The following NR3C2 variants were observed in gnomAD, a reference collection of about 807,000 sequenced individuals.
NR3C2 encodes nuclear receptor subfamily 3 group C member 2.
A neutral mutation model predicts 86.4 loss-of-function variants in NR3C2; 15 were observed. The observed-to-expected ratio is 0.17, with a 90% CI of 0.12 to 0.27. The LOEUF is 0.27. Ranked by LOEUF, NR3C2 falls within the 10% of genes least tolerant of loss-of-function variation. The pLI is 1.00. For synonymous variants in NR3C2, 458 were observed against 450.5 expected (o/e 1.02, Z -0.21); for missense variants, 960 against 1,195.6 (o/e 0.80, Z 2.91).
At chr4:148,291,320 G>T (rs1741787259) in intron 2 of NR3C2, among the ~76,000 whole-genome samples, 1 of 151,872 alleles carries the variant, frequency 6.6e-6, no homozygotes, top group African/African-American at 2.4e-5. Context: ...CTATATAAGG[G>T]AACAAATATG....
intron 3 of NR3C2, among the ~76,000 whole-genome samples, chr4:148,255,892 C>T (rs939355248): frequency 2.0e-5 from 3 of 152,204 alleles, no homozygotes; most frequent in Non-Finnish European, 4.4e-5. Flanking sequence ...TCAGCTAATT[C>T]AATTGACAAT....
intron 4 of NR3C2, 93 bp downstream of exon 4, chr4:148,194,653 T>C: frequency 1.2e-6 from 1 of 820,504 alleles, no homozygotes; most frequent in South Asian, 1.4e-5. Context: ...TTGCTCCCTG[T>C]TGGCTTCGTT....
intron 6 of NR3C2, among the ~76,000 whole-genome samples, chr4:148,147,593 A>T (rs532368094): frequency 7.9e-5 from 12 of 152,342 alleles, no homozygotes; most frequent in African/African-American, 2.9e-4. Context: ...GAAATAAGGC[A>T]GAGATACACG....
At chr4:148,392,397 T>C (rs932496175) in intron 2 of NR3C2, among the ~76,000 whole-genome samples, 1 of 152,260 alleles carries the variant, frequency 6.6e-6, no homozygotes, top group African/African-American at 2.4e-5. Context: ...CAAGTGTCTC[T>C]GAAATATTTG....
chr4:148,177,761 G>C (rs1384701999), intron 4 of NR3C2, among the ~76,000 whole-genome samples: 3 of 152,084 alleles, frequency 2.0e-5, no homozygotes, highest in Non-Finnish European at 4.4e-5. Context: ...ATGATGCTTG[G>C]TTGTAAGTGG....
At chr4:148,216,227 C>T (rs990219832) in intron 3 of NR3C2, among the ~76,000 whole-genome samples, 1 of 151,940 alleles carries the variant, frequency 6.6e-6, no homozygotes, top group African/African-American at 2.4e-5. Flanking sequence ...GACTCCCCAC[C>T]ACCCCCCCAA....
chr4:148,235,262 T>TTTTATATATATATATA (rs1553999667), intron 3 of NR3C2, among the ~76,000 whole-genome samples: 1 of 143,720 alleles, frequency 7.0e-6, no homozygotes, highest in Non-Finnish European at 1.5e-5. Context: ...TAAGTGGCAA[T>TTTTATATATATATATA]TATATATATA....
chr4:148,205,155 C>T (rs998929014), intron 3 of NR3C2, among the ~76,000 whole-genome samples: 1 of 152,084 alleles, frequency 6.6e-6, no homozygotes, highest in Non-Finnish European at 1.5e-5. Context: ...AACTCTAGAC[C>T]GAAATGAAAC....
chr4:148,240,318 G>A (rs1011979023), intron 3 of NR3C2, among the ~76,000 whole-genome samples: 6 of 149,570 alleles, frequency 4.0e-5, no homozygotes, highest in East Asian at 3.9e-4. Flanking sequence ...CCCAATGTGC[G>A]TTTTACACTT....
chr4:148,217,369 T>C (rs1413242481), intron 3 of NR3C2, among the ~76,000 whole-genome samples: 2 of 151,982 alleles, frequency 1.3e-5, no homozygotes, highest in Non-Finnish European at 2.9e-5. Context: ...ACAGGAAAAA[T>C]CTCTCATTTC....
chr4:148,321,891 AT>A (rs1743618901), intron 2 of NR3C2, among the ~76,000 whole-genome samples: 1 of 152,090 alleles, frequency 6.6e-6, no homozygotes, highest in African/African-American at 2.4e-5. Context: ...TAAAGTTAAT[AT>A]TGTTATGTGT....
intron 2 of NR3C2, among the ~76,000 whole-genome samples, chr4:148,299,860 TTTTA>T (rs1425454300): frequency 2.0e-5 from 3 of 152,234 alleles, no homozygotes; most frequent in African/African-American, 7.2e-5. Flanking sequence ...AGGAGTTAAC[TTTTA>T]AAAGAAAGGT....
intron 2 of NR3C2, among the ~76,000 whole-genome samples, chr4:148,353,700 T>C (rs955919381): frequency 5.3e-5 from 8 of 152,182 alleles, no homozygotes; most frequent in African/African-American, 1.9e-4. Context: ...TATAATTATA[T>C]TCCTATATGA....
At chr4:148,093,416 A>C (rs1001706076) in intron 8 of NR3C2, among the ~76,000 whole-genome samples, 5 of 152,228 alleles carry the variant, frequency 3.3e-5, no homozygotes, top group African/African-American at 1.2e-4. Context: ...GTGGTGATGA[A>C]GCCTGAATGA....
intron 2 of NR3C2, among the ~76,000 whole-genome samples, chr4:148,355,441 G>A (rs1271756276): frequency 6.6e-6 from 1 of 152,068 alleles, no homozygotes; most frequent in Non-Finnish European, 1.5e-5. Flanking sequence ...CTCCCACTCT[G>A]AACCCTCTAC....
intron 4 of NR3C2, among the ~76,000 whole-genome samples, chr4:148,175,038 T>C (rs3843411): frequency 0.78 from 118,862 of 152,114 alleles, 47,037 homozygotes; most frequent in African/African-American, 0.92. Flanking sequence ...TATGTTAGGG[T>C]TGGCAAGGAA....
intron 2 of NR3C2, among the ~76,000 whole-genome samples, chr4:148,410,987 C>T (rs532784984): frequency 4.5e-4 from 68 of 152,218 alleles, no homozygotes; most frequent in African/African-American, 1.3e-3. Flanking sequence ...TTCAGTACTC[C>T]GACCTTCAAC....
chr4:148,324,579 A>G (rs1482495236), intron 2 of NR3C2, among the ~76,000 whole-genome samples: 1 of 152,118 alleles, frequency 6.6e-6, no homozygotes, highest in African/African-American at 2.4e-5. Context: ...CAGTTATAAG[A>G]TAAATAAGTT....
chr4:148,363,949 AAATT>A (rs1745982841), intron 2 of NR3C2, among the ~76,000 whole-genome samples: 1 of 152,210 alleles, frequency 6.6e-6, no homozygotes, highest in South Asian at 2.1e-4. Flanking sequence ...TCACATTTCA[AAATT>A]AATACCTAAT....
Sources: gnomAD v4.1 joint callset for allele counts (sites outside exome capture counted in the v4.1 genomes callset) on GRCh38, gnomAD v4.1.1 for gene constraint, MANE v1.5 for transcripts, NCBI Gene and HGNC (gene_info 2026-07-23, HGNC 2026-07-21) for gene names.